The following GAREM1 variants were observed in gnomAD, a reference collection of about 807,000 sequenced individuals.
GAREM1 encodes GRB2-associated and regulator of MAPK protein 1.
A neutral mutation model predicts 71.3 loss-of-function variants in GAREM1; 26 were observed. The ratio of observed to expected loss-of-function variants is 0.36; its 90% CI spans 0.27 to 0.51. The LOEUF is 0.51. GAREM1 is among the 20% of genes least tolerant of loss of function. GAREM1 has a pLI of 0.95. For missense variants in GAREM1, 1,026 were observed against 1,103.1 expected (o/e 0.93, Z 0.99); for synonymous variants, 440 against 433.2 (o/e 1.02, Z -0.20).
chr18:32,310,784 A>G (rs1165537888), intron 2 of GAREM1, among the ~76,000 whole-genome samples: 1 of 151,408 alleles, frequency 6.6e-6, no homozygotes, highest in Non-Finnish European at 1.5e-5. Flanking sequence ...TTTTTTTTGC[A>G]AATAGAACAA....
rs1460260623 is a variant in GAREM1, at chr18:32,268,456, G to C, written c.2046C>G (p.Ser682Arg). The C allele has an allele frequency of 4.3e-6, 7 of 1,614,068 alleles. No homozygotes were observed. Among genetic ancestry groups the C allele is most frequent in the Non-Finnish European group, 5.9e-6 (7 of 1,180,030 alleles). ...TGCTACTGAATTCTGCAGTGACTGG[G>C]CTAGTGGGGCTGGCCAGGAGCTCAC... ...DGCELLASPT[S>R]PVTAEFSSSV... Residue 682 changes from serine (S) to arginine (R), a missense_variant, in exon 6 of 6, where the codon AGC (serine) becomes AGG (arginine). Ser to Arg is a moderately radical substitution (Grantham distance 110). Around this residue, in one of 3 missense-constraint regions of GAREM1, gnomAD observed 636 missense variants for 631.2 expected, o/e 1.01. Transcript: ENST00000269209.
chr18:32,342,478 T>C (rs1453317123), intron 2 of GAREM1, among the ~76,000 whole-genome samples: 3 of 152,180 alleles, frequency 2.0e-5, no homozygotes, highest in Admixed American at 6.5e-5. Flanking sequence ...CTGTGACTTT[T>C]TTCCCTGAGG....
intron 2 of GAREM1, among the ~76,000 whole-genome samples, chr18:32,368,045 A>G (rs1162038285): frequency 2.9e-5 from 4 of 136,956 alleles, no homozygotes; most frequent in Non-Finnish European, 4.7e-5. Context: ...CCTTTCTTTT[A>G]TCTCCCCCTC....
intron 1 of GAREM1, chr18:32,413,302 C>T: frequency 8.8e-7 from 1 of 1,138,710 alleles, no homozygotes; most frequent in Non-Finnish European, 1.3e-6. Context: ...AGTAGATTTC[C>T]AAAAATACCG....
At chr18:32,382,187 G>A (rs73421959) in intron 2 of GAREM1, among the ~76,000 whole-genome samples, 1 of 152,282 alleles carries the variant, frequency 6.6e-6, no homozygotes, top group African/African-American at 2.4e-5. Flanking sequence ...GTATGAGATA[G>A]GACTGTCCTC....
At chr18:32,278,241 T>C (rs546954399) in intron 4 of GAREM1, among the ~76,000 whole-genome samples, 1 of 152,306 alleles carries the variant, frequency 6.6e-6, no homozygotes, top group South Asian at 2.1e-4. Context: ...ACATACAAGA[T>C]GATGGATCTA....
chr18:32,361,381 AAAAC>A (rs769973903), intron 2 of GAREM1, among the ~76,000 whole-genome samples: 24 of 152,236 alleles, frequency 1.6e-4, no homozygotes, highest in Non-Finnish European at 3.4e-4. Context: ...CTGTTGCAAA[AAAAC>A]AAAATAAAAC....
At chr18:32,409,617 C>G (rs1255776910) in intron 1 of GAREM1, among the ~76,000 whole-genome samples, 2 of 151,940 alleles carry the variant, frequency 1.3e-5, no homozygotes, top group East Asian at 3.9e-4. Flanking sequence ...TCAAATGAAC[C>G]CTTGGACAAA....
intron 1 of GAREM1, among the ~76,000 whole-genome samples, chr18:32,435,990 GTC>G (rs1056033344): frequency 3.0e-4 from 45 of 152,152 alleles, no homozygotes; most frequent in African/African-American, 9.2e-4. Flanking sequence ...AAAGTTCAAA[GTC>G]TCTTTCTCTA....
At chr18:32,357,929 G>T (rs984282446) in intron 2 of GAREM1, among the ~76,000 whole-genome samples, 6 of 152,136 alleles carry the variant, frequency 3.9e-5, no homozygotes, top group African/African-American at 1.4e-4. Flanking sequence ...GTGGGCAGGG[G>T]GCTGTGCAAT....
chr18:32,431,470 A>C (rs545309272), intron 1 of GAREM1, among the ~76,000 whole-genome samples: 1 of 152,096 alleles, frequency 6.6e-6, no homozygotes, highest in African/African-American at 2.4e-5. Flanking sequence ...TCTACTAAAA[A>C]CACAAAAATT....
chr18:32,445,280 G>A (rs547684524), intron 1 of GAREM1, among the ~76,000 whole-genome samples: 1 of 152,074 alleles, frequency 6.6e-6, no homozygotes, highest in African/African-American at 2.4e-5. Flanking sequence ...GTAAATTACA[G>A]AATTATTAAA....
At chr18:32,430,795 T>C (rs1485171220) in intron 1 of GAREM1, among the ~76,000 whole-genome samples, 2 of 152,022 alleles carry the variant, frequency 1.3e-5, no homozygotes, top group African/African-American at 2.4e-5. Context: ...GTTCCAAGAG[T>C]ATGGGGCAAA....
chr18:32,416,433 A>G (rs980213673), intron 1 of GAREM1, among the ~76,000 whole-genome samples: 1 of 152,140 alleles, frequency 6.6e-6, no homozygotes, highest in Non-Finnish European at 1.5e-5. Flanking sequence ...CAAAAGAACA[A>G]ACTGGAGGCA....
intron 4 of GAREM1, among the ~76,000 whole-genome samples, chr18:32,276,234 A>G (rs1280666704): frequency 6.6e-6 from 1 of 152,250 alleles, no homozygotes; most frequent in Non-Finnish European, 1.5e-5. Flanking sequence ...GGGGGCTTAA[A>G]GCAAGCTGTA....
At chr18:32,444,326 C>A (rs998552564) in intron 1 of GAREM1, among the ~76,000 whole-genome samples, 1 of 152,130 alleles carries the variant, frequency 6.6e-6, no homozygotes, top group African/African-American at 2.4e-5. Flanking sequence ...TTACTATATG[C>A]AAATAGCATG....
At chr18:32,276,072 A>G (rs1311288649) in intron 4 of GAREM1, among the ~76,000 whole-genome samples, 1 of 152,248 alleles carries the variant, frequency 6.6e-6, no homozygotes, top group Admixed American at 6.5e-5. Context: ...TGGTATTCAC[A>G]TTGCAAATCA....
intron 1 of GAREM1, chr18:32,412,289 A>G (rs891007832): frequency 1.1e-5 from 18 of 1,589,444 alleles, no homozygotes; most frequent in African/African-American, 1.3e-5. Flanking sequence ...GTGGTTTTGC[A>G]AAGTACTGGC....
intron 1 of GAREM1, among the ~76,000 whole-genome samples, chr18:32,438,558 T>C (rs1378639159): frequency 6.6e-6 from 1 of 152,204 alleles, no homozygotes; most frequent in African/African-American, 2.4e-5. Context: ...TTTCCAGACC[T>C]TGCAACAAAG....
Sources: gnomAD v4.1 joint callset for allele counts (sites outside exome capture counted in the v4.1 genomes callset) on GRCh38, gnomAD v4.1.1 for gene constraint, gnomAD v4.1.1 regional missense constraint, MANE v1.5 for transcripts, NCBI Gene and HGNC (gene_info 2026-07-23, HGNC 2026-07-21) for gene names.